Variants in ZNF217 observed in about 807,000 individuals in gnomAD.
ZNF217 encodes the protein zinc finger protein 217.
A neutral mutation model predicts 73.3 loss-of-function variants in ZNF217; 12 were observed. The observed-to-expected ratio is 0.16, with a 90% confidence interval of 0.10 to 0.27. ZNF217 has a LOEUF of 0.27. ZNF217 is among the 10% of genes least tolerant of loss of function. ZNF217 has a pLI of 1.00. For synonymous variants in ZNF217, 588 were observed against 516.4 expected (o/e 1.14, Z -1.88); for missense variants, 1,195 against 1,327.8 (o/e 0.90, Z 1.55).
upstream of ZNF217, among the ~76,000 whole-genome samples, chr20:53,595,165 TTCCTAAG>T (rs1989020520): frequency 6.6e-6 from 1 of 151,944 alleles, no homozygotes; most frequent in Non-Finnish European, 1.5e-5. Context: ...AAGATCCTGA[TTCCTAAG>T]GCCTGTGATA....
chr20:53,576,475 T>C lies in ZNF217; in HGVS notation c.2289A>G (p.Lys763=), dbSNP rs949626518. The C allele has an allele frequency of 1.9e-6, 3 of 1,614,096 alleles. No individual in the cohort carries two copies. The highest frequency in any genetic ancestry group is 2.2e-5 in the South Asian group (2 of 91,094). ...AGAAACTAGAGAGGGGAGGCACATC[T>C]TTTCCCAGCAACGCTGGCGGGCATC... The part of the protein sequence containing the change: ...RTGCPPALLG[K]DVPPLSSFCK... The change falls in exon 4 of 6, where the codon AAA becomes AAG. Residue 763 remains lysine (K), a synonymous_variant. Coordinates refer to ENST00000371471, the MANE Select transcript of ZNF217 (RefSeq NM_006526.3).
At chr20:53,574,966 G>A (rs2145933545) in intron 4 of ZNF217, 1 of 152,420 alleles carries the variant, frequency 6.6e-6, no homozygotes, top group Non-Finnish European at 1.5e-5. Flanking sequence ...AGCAAGACAA[G>A]AATGGACTAG....
chr20:53,575,851 C>A lies in ZNF217; in HGVS notation c.2913G>T (p.Arg971Ser), dbSNP rs1988235460. 1.2e-6 allele frequency: 2 copies of A among 1,614,100 alleles called. No individual in the cohort carries two copies. Among genetic ancestry groups the A allele is most frequent in the African/African-American group, 2.7e-5 (2 of 74,942 alleles). Residue 971 changes from arginine to serine, a missense_variant, in exon 4 of 6, where the codon AGG becomes AGT. Coordinates refer to ENST00000371471, the MANE Select transcript of ZNF217 (RefSeq NM_006526.3). ...AATCGACCTCGCTGGAGCTCAGGAA[C>A]CTTGGTTTGGGAGGCAGCGCCTGCG... is the stretch of plus-strand genomic sequence containing the variant. The part of the protein sequence containing the change: ...YPSQALPPKP[R>S]FLSSSEVDSP...
upstream of ZNF217, among the ~76,000 whole-genome samples, chr20:53,594,521 G>A (rs1353950928): frequency 1.3e-5 from 2 of 151,380 alleles, no homozygotes; most frequent in African/African-American, 4.8e-5. Flanking sequence ...CGACTCCCGC[G>A]CACGCGCGCG....
chr20:53,579,833 T>G (rs1311590017), intron 2 of ZNF217, among the ~76,000 whole-genome samples: 2 of 152,220 alleles, frequency 1.3e-5, no homozygotes, highest in Non-Finnish European at 2.9e-5. Context: ...AAAGAAAGGT[T>G]AAGCAACTCA....
chr20:53,576,840 T>C lies in ZNF217; in HGVS notation c.1924A>G (p.Arg642Gly). The C allele has an allele frequency of 6.2e-7, 1 of 1,614,240 alleles. No homozygotes were observed. Among genetic ancestry groups the C allele is most frequent in the Non-Finnish European group, 8.5e-7 (1 of 1,180,046 alleles). ...GGAGGAGTAACATCCGCCTTGGTTC[T>C]ACAGATGAGGTTATTTGCCTGAGTT... ...VETQANNLICRTKADVTPPPD... is the reference protein window; with the variant it reads ...VETQANNLICGTKADVTPPPD... Residue 642 changes from arginine (R) to glycine (G), a missense_variant, in exon 4 of 6, where the codon AGA becomes GGA. By Grantham distance (125) the Arg-to-Gly change is moderately radical. Coordinates refer to ENST00000371471, the MANE Select transcript of ZNF217 (RefSeq NM_006526.3).
Position 53,576,927 on chromosome 20 carries a change from TATCAGCACTGTC to T in ZNF217, c.1825_1836del (p.Asp609_Asp612del). On this transcript the variant is annotated inframe_deletion, in exon 4 of 6. Coordinates refer to ENST00000371471, the MANE Select transcript of ZNF217 (RefSeq NM_006526.3). Reference sequence around the variant, plus strand: ...GCAGGGGTAGGGTTTTTATTCACTTTATCAGCACTGTCATCAGCTGCATTTTTATGGAAATCC... The same window carrying T: ...GCAGGGGTAGGGTTTTTATTCACTTTATCAGCTGCATTTTTATGGAAATCC... 6.2e-7 allele frequency: 1 copy of T among 1,614,220 alleles called. No homozygotes were observed. The highest frequency in any genetic ancestry group is 8.5e-7 in the Non-Finnish European group (1 of 1,180,034).
intron 4 of ZNF217, chr20:53,575,493 A>C (rs1221295213): frequency 4.5e-6 from 2 of 444,290 alleles, no homozygotes; most frequent in East Asian, 7.0e-5. Flanking sequence ...GTAAGACTAA[A>C]CAAATCAAAA....
chr20:53,593,252 C>A (rs1232638535), intron 1 of ZNF217, among the ~76,000 whole-genome samples: 4 of 152,080 alleles, frequency 2.6e-5, no homozygotes, highest in Non-Finnish European at 4.4e-5. Flanking sequence ...CCATTGTTTA[C>A]GGGGGGATGC....
At chr20:53,592,538 C>T (rs1256847938) in intron 1 of ZNF217, among the ~76,000 whole-genome samples, 1 of 145,470 alleles carries the variant, frequency 6.9e-6, no homozygotes, top group Non-Finnish European at 1.5e-5. Flanking sequence ...CAAGAAAGCG[C>T]CTTCCCGTCT....
At chr20:53,591,019 A>C (rs563435930) in intron 1 of ZNF217, among the ~76,000 whole-genome samples, 11 of 152,198 alleles carry the variant, frequency 7.2e-5, no homozygotes, top group Non-Finnish European at 1.5e-4. Context: ...AGTCAAAGTC[A>C]AAACCTTCAC....
intron 1 of ZNF217, among the ~76,000 whole-genome samples, chr20:53,593,297 T>G (rs568133194): frequency 6.6e-6 from 1 of 152,186 alleles, no homozygotes; most frequent in African/African-American, 2.4e-5. Flanking sequence ...GCTTCCAACT[T>G]GCCCCGGCCC....
chr20:53,589,906 C>A (rs2078851618), intron 1 of ZNF217, among the ~76,000 whole-genome samples: 1 of 137,568 alleles, frequency 7.3e-6, no homozygotes, highest in African/African-American at 2.6e-5. Context: ...CCCCTCCCCC[C>A]CGCAGAATCT....
rs763887255 is a variant in ZNF217, at chr20:53,581,865, C to G, written c.962G>C (p.Ser321Thr). Residue 321 changes from serine to threonine, a missense_variant, in exon 2 of 6, where the codon AGC becomes ACC. Ser to Thr is a moderately conservative substitution (Grantham distance 58). Coordinates refer to ENST00000371471, the MANE Select transcript of ZNF217 (RefSeq NM_006526.3). The surrounding 1 kb of genome is among the most constrained non-coding windows in gnomAD (Gnocchi z 4.9). ...QEVKESGQEG[S>T]TDNDDSSSEK... The stretch of plus-strand genomic sequence containing the variant: ...GGAACTCGAATCGTCGTTGTCGGTG[C>G]TCCCTTCTTGCCCCGATTCCTTCAC... The G allele has an allele frequency of 1.2e-6, 2 of 1,614,264 alleles. No homozygotes were observed. Among genetic ancestry groups the G allele is most frequent in the Non-Finnish European group, 1.7e-6 (2 of 1,180,048 alleles).
chr20:53,572,787 C>T lies in ZNF217; in HGVS notation c.3038-934G>A, dbSNP rs572845660. Reference sequence around the variant, plus strand: ...AGCTTCTATGTGATAAAGGAAGATGCTGCAGTTTGACCGAGTTTGCCAAGG... The same window carrying T: ...AGCTTCTATGTGATAAAGGAAGATGTTGCAGTTTGACCGAGTTTGCCAAGG... On this transcript the variant is annotated intron_variant, in intron 4 of 5. Coordinates refer to ENST00000371471, the MANE Select transcript of ZNF217 (RefSeq NM_006526.3). 3.9e-5 allele frequency: 6 copies of T among 152,272 alleles called. No homozygotes were observed. The East Asian group carries it at 1.2e-3, about 29-fold the overall frequency. 9.4% of individuals were successfully genotyped at this position (152,272 alleles called of 1,614,324 possible).
chr20:53,588,212 T>G (rs1988761661), intron 1 of ZNF217, among the ~76,000 whole-genome samples: 1 of 152,104 alleles, frequency 6.6e-6, no homozygotes. Context: ...ACTGCCTGAA[T>G]TCATCTTAAA....
At chr20:53,586,970 G>GTTA (rs1988718753) in intron 1 of ZNF217, among the ~76,000 whole-genome samples, 1 of 152,302 alleles carries the variant, frequency 6.6e-6, no homozygotes, top group Middle Eastern at 3.4e-3. Flanking sequence ...GAAAGTGAGC[G>GTTA]TTATGAACAC....
chr20:53,582,230 G>T lies in ZNF217; in HGVS notation c.597C>A (p.Ile199=). The change falls in exon 2 of 6, where the codon ATC becomes ATA. Residue 199 remains isoleucine, a synonymous_variant. Coordinates refer to ENST00000371471, the MANE Select transcript of ZNF217 (RefSeq NM_006526.3). The surrounding 1 kb of genome is among the most constrained non-coding windows in gnomAD (Gnocchi z 4.8). ...CCGCGTGCACCTGGACGACCTCGTT[G>T]ATCGTTGCTGGACTACTCTCCAAGC... is the stretch of plus-strand genomic sequence containing the variant. ...QQGLESSPAT[I]NEVVQVHAAE... The T allele has an allele frequency of 1.9e-6, 3 of 1,614,136 alleles. No homozygotes were observed. The highest frequency in any genetic ancestry group is 1.7e-6 in the Non-Finnish European group (2 of 1,180,056).
Position 53,581,935 on chromosome 20 carries a change from C to A in ZNF217, c.892G>T (p.Ala298Ser), listed in dbSNP as rs1988517550. 1.2e-6 allele frequency: 2 copies of A among 1,614,090 alleles called. No individual in the cohort carries two copies. Among genetic ancestry groups the A allele is most frequent in the South Asian group, 2.2e-5 (2 of 91,084 alleles). The change falls in exon 2 of 6, where the codon GCT becomes TCT. Residue 298 changes from alanine (A) to serine (S), a missense_variant. Transcript: ENST00000371471. This position sits in a 1 kb window ranked among gnomAD's most constrained non-coding sequence, Gnocchi z 4.9. ...TTTCCTTTGGTAGCCAGCTGCCAAG[C>A]CTGGAAGGTGGTGAACGGATCGAGC... ...PQLDPFTTFQ[A>S]WQLATKGKVA...
Sources: gnomAD v4.1 joint callset for allele counts (sites outside exome capture counted in the v4.1 genomes callset) on GRCh38, gnomAD v4.1.1 for gene constraint, Gnocchi (gnomAD v3.1) non-coding constraint, MANE v1.5 for transcripts, NCBI Gene and HGNC (gene_info 2026-07-23, HGNC 2026-07-21) for gene names.